DSC3: variants seen among roughly 807,000 people sequenced by gnomAD.
DSC3 encodes desmocollin-3.
Under a neutral mutation model 89.5 loss-of-function variants are expected in DSC3, and 97 were observed. That is an observed-to-expected ratio of 1.08 (90% confidence interval 0.92 to 1.28). DSC3 has a LOEUF of 1.28. DSC3 is among the 50% of genes most tolerant of loss of function. DSC3 has a pLI of 0.00. For missense variants in DSC3, 1,199 were observed against 1,085.3 expected, an observed-to-expected ratio of 1.10 and a Z score of -1.47; for synonymous variants, 436 against 384.1, an observed-to-expected ratio of 1.14 and a Z score of -1.58.
At chr18:31,004,028 T>C in intron 13 of DSC3, 114 bp downstream of exon 13, 2 of 794,774 alleles carry the variant, frequency 2.5e-6, no homozygotes, top group Non-Finnish European at 4.1e-6. Context: ...AAAAGGAACT[T>C]GGAAAGAGAC....
chr18:31,022,260 G>A, intron 7 of DSC3, 76 bp downstream of exon 7: 2 of 1,550,348 alleles, frequency 1.3e-6, no homozygotes, highest in South Asian at 1.1e-5. Context: ...TAATCCACAG[G>A]ATAGCAAGTT....
chr18:31,022,139 C>T (rs1162914769), intron 7 of DSC3, among the ~76,000 whole-genome samples, 197 bp downstream of exon 7: 5 of 151,870 alleles, frequency 3.3e-5, no homozygotes, highest in Admixed American at 6.6e-5. Context: ...AATTGATCTG[C>T]GTTTCTAGTC....
At chr18:31,027,459 A>C (rs993439288) in intron 4 of DSC3, among the ~76,000 whole-genome samples, 3 of 106,548 alleles carry the variant, frequency 2.8e-5, no homozygotes, top group East Asian at 1.2e-3. Context: ...GTTCAGATGC[A>C]TTGGTTTCCT....
At chr18:31,001,916 A>T (rs1984677922) in intron 13 of DSC3, among the ~76,000 whole-genome samples, 177 bp from the exon 14 acceptor site, 1 of 152,182 alleles carries the variant, frequency 6.6e-6, no homozygotes, top group South Asian at 2.1e-4. Flanking sequence ...TAGGTTTTAG[A>T]ATCAGAAGCA....
chr18:30,997,104 A>T, intron 14 of DSC3, 56 bp from the exon 15 acceptor site: 1 of 1,595,232 alleles, frequency 6.3e-7, no homozygotes. Context: ...CTAAGTTGTC[A>T]TGAGAAGGCA....
chr18:31,005,909 T>C (rs1204563311), intron 12 of DSC3, among the ~76,000 whole-genome samples: 2 of 152,052 alleles, frequency 1.3e-5, no homozygotes, highest in Admixed American at 6.6e-5. Flanking sequence ...ATCCTCAGGA[T>C]CTGGACGAGT....
At chr18:31,009,198 G>A (rs1167927568) in intron 9 of DSC3, among the ~76,000 whole-genome samples, 2 of 151,976 alleles carry the variant, frequency 1.3e-5, no homozygotes, top group Admixed American at 6.6e-5. Context: ...CTACAGGCAC[G>A]TGCCACCATA....
At position 30,991,723 on chromosome 18, in the gene DSC3, C is replaced by T. The variant is rs777315874; in HGVS notation, c.*2452G>A. On this transcript the variant is annotated 3_prime_UTR_variant, in exon 16 of 16. Transcript: ENST00000360428. The stretch of plus-strand genomic sequence containing the variant: ...TCAGCAACTAGGCTTACAGAGAATT[C>T]CATTCTCAGACCAATATTTTGTGCC... 10 of 152,194 alleles carry T rather than the reference C, an allele frequency of 6.6e-5. No individual in the cohort carries two copies. The highest frequency in any genetic ancestry group is 1.5e-4 in the Non-Finnish European group (10 of 68,052). 9.4% of individuals were successfully genotyped at this position (152,194 alleles called of 1,614,324 possible).
In DSC3 at chr18:31,036,620, T is replaced by C. The variant is rs535257251; in HGVS notation, c.70-4344A>G. 4.6e-5 allele frequency among the ~76,000 whole-genome samples: 7 copies of C among 152,182 alleles called. No homozygotes were observed. The East Asian group carries it at 1.4e-3, about 29-fold the overall frequency. On this transcript the variant is annotated intron_variant, in intron 1 of 15. Transcript: ENST00000360428. ...TAGACTTTGACTCTCAAAACAATTT[T>C]ATGATCAGTTCCCCAAGTTCTGTAA...
chr18:31,014,501 T>C (rs1294869374), intron 9 of DSC3, among the ~76,000 whole-genome samples: 3 of 152,094 alleles, frequency 2.0e-5, no homozygotes, highest in Non-Finnish European at 4.4e-5. Context: ...TTTTGAACTT[T>C]GAACTAATGG....
chr18:31,001,529 T>C, intron 14 of DSC3, 89 bp downstream of exon 14: 3 of 1,456,554 alleles, frequency 2.1e-6, no homozygotes, highest in South Asian at 2.5e-5. Flanking sequence ...ATTAAAAATA[T>C]AAATTAACTC....
chr18:31,036,174 A>G (rs1388575879), intron 1 of DSC3, among the ~76,000 whole-genome samples: 1 of 152,166 alleles, frequency 6.6e-6, no homozygotes, highest in African/African-American at 2.4e-5. Context: ...ACTAATATCA[A>G]TTTCTATTAA....
chr18:31,001,089 G>GTGTGTATATATATATATATATA (rs141615987), intron 14 of DSC3, among the ~76,000 whole-genome samples: 143 of 125,988 alleles, frequency 1.1e-3, no homozygotes, highest in East Asian at 2.1e-3. Context: ...TTGTGTGTGT[G>GTGTGTATATATATATATATATA]TATATATATA....
At chr18:31,008,571 C>G (rs1313587) in intron 9 of DSC3, 46 bp from the exon 10 acceptor site, 3 of 1,608,300 alleles carry the variant, frequency 1.9e-6, no homozygotes, top group Admixed American at 3.3e-5. Flanking sequence ...TAAAATACAT[C>G]TGGCATTTCA....
rs1985442674 is a variant in DSC3 at position 31,022,159 on chromosome 18, A to AT, written c.942+176_942+177insA. Among the ~76,000 whole-genome samples the AT allele has an allele frequency of 2.0e-5, 3 of 152,268 alleles. No individual in the cohort carries two copies. The South Asian group carries it at 6.2e-4, about 32-fold the overall frequency. ...ATCTGCGTTTCTAGTCCTTATGGCT[A>AT]CTCTAACATAAGGAAATAGAAATAA... On this transcript the variant is annotated intron_variant, in intron 7 of 15. Transcript: ENST00000360428.
chr18:31,011,767 C>G (rs1193167642), intron 9 of DSC3, among the ~76,000 whole-genome samples: 1 of 151,512 alleles, frequency 6.6e-6, no homozygotes, highest in South Asian at 2.1e-4. Context: ...CCAAGGCGGG[C>G]GGATTGCCTG....
Position 31,018,053 on chromosome 18 carries a change from A to G in DSC3, c.1263+18T>C, listed in dbSNP as rs769557618. ...AAACCTGTTAATTTGCTAAGTTGTC[A>G]ATTATACATTACTGTACCTTTACAA... On this transcript the variant is annotated intron_variant, in intron 9 of 15. Transcript: ENST00000360428. 7 of 1,604,142 alleles carry G rather than the reference A, an allele frequency of 4.4e-6. No homozygotes were observed. The highest frequency in any genetic ancestry group is 3.4e-5 in the Admixed American group (2 of 59,614).
At chr18:31,040,969 A>G (rs974785665) in intron 1 of DSC3, among the ~76,000 whole-genome samples, 1 of 151,484 alleles carries the variant, frequency 6.6e-6, no homozygotes. Context: ...GTCTCCAGAT[A>G]CAGCATTTAA....
chr18:31,027,799 C>T (rs1282568265), intron 4 of DSC3, among the ~76,000 whole-genome samples: 5 of 152,082 alleles, frequency 3.3e-5, no homozygotes, highest in Non-Finnish European at 7.4e-5. Flanking sequence ...TTTGTTTCTT[C>T]AGCCCTACGG....
Sources: allele counts gnomAD v4.1 joint callset (sites outside exome capture counted in the v4.1 genomes callset), GRCh38; gene constraint gnomAD v4.1.1; transcripts MANE v1.5; gene names NCBI Gene and HGNC (gene_info 2026-07-23, HGNC 2026-07-21).